Variants in ZNF346 observed in about 807,000 individuals in gnomAD.
ZNF346 encodes the protein zinc finger protein 346.
In ZNF346, 23 loss-of-function variants were observed where a neutral mutation model predicts 33.7. The observed-to-expected ratio is 0.68, with a 90% CI of 0.49 to 0.97. The LOEUF (loss-of-function observed/expected upper bound fraction) is 0.97. Ranked by LOEUF, ZNF346 falls within the 50% of genes least tolerant of loss-of-function variation. The probability of loss-of-function intolerance (pLI) is 0.00; values close to 1 mark genes in which losing one functional copy is unlikely to be tolerated. For synonymous variants in ZNF346, 134 were observed against 142.4 expected (o/e 0.94, Z 0.42); for missense variants, 340 against 371.1 (o/e 0.92, Z 0.69).
chr5:177,031,075 G>A (rs1024210044), intron 1 of ZNF346, among the ~76,000 whole-genome samples: 3 of 151,948 alleles, frequency 2.0e-5, no homozygotes, highest in South Asian at 2.1e-4. Flanking sequence ...TCGCTCTGTC[G>A]CCCAGGCTGG....
At position 177,067,332 on chromosome 5, in the gene ZNF346, T is replaced by A. The variant is rs1404624178; in HGVS notation, c.*2733T>A. On this transcript the variant is annotated 3_prime_UTR_variant, in exon 7 of 7. Transcript: ENST00000358149. ...CCATCCTTTACTGTAGACAGCCAGA[T>A]TTGAGGAAGGGGCCCAGGCAGCCTC... 6.6e-6 allele frequency among the ~76,000 whole-genome samples: 1 copy of A among 152,128 alleles called. No individual in the cohort carries two copies. Among genetic ancestry groups the A allele is most frequent in the Non-Finnish European group, 1.5e-5 (1 of 68,028 alleles).
At chr5:177,046,763 G>A (rs1010147717) in intron 4 of ZNF346, among the ~76,000 whole-genome samples, 1 of 151,736 alleles carries the variant, frequency 6.6e-6, no homozygotes, top group Admixed American at 6.6e-5. Context: ...GTGTATATTC[G>A]TTTTGTGTAT....
chr5:177,044,529 G>C lies in ZNF346; in HGVS notation c.513G>C (p.Val171=), dbSNP rs536086361. ...NLKLKQQSTK[V]EALHQNREMI... ...AGCTGAAGCAGCAGTCCACTAAGGT[G>C]GAAGGTACTGGTTTTCCTGAGTAGT... The change falls in exon 4 of 7, where the codon GTG becomes GTC. Residue 171 remains valine (V), a synonymous_variant. Coordinates refer to ENST00000358149, the MANE Select transcript of ZNF346 (RefSeq NM_012279.4). The C allele has an allele frequency of 6.2e-7, 1 of 1,613,642 alleles. No homozygotes were observed. Among genetic ancestry groups the C allele is most frequent in the Non-Finnish European group, 8.5e-7 (1 of 1,179,960 alleles).
intron 1 of ZNF346, among the ~76,000 whole-genome samples, chr5:177,024,303 C>T (rs537796634): frequency 2.8e-5 from 4 of 141,274 alleles, no homozygotes; most frequent in African/African-American, 1.1e-4. Context: ...TCAAGCAATT[C>T]TATACTGCCT....
chr5:177,049,728 C>T (rs1398846985), intron 4 of ZNF346, among the ~76,000 whole-genome samples: 1 of 152,184 alleles, frequency 6.6e-6, no homozygotes, highest in African/African-American at 2.4e-5. Context: ...GGGCAAGCCA[C>T]TTCACTCATC....
intron 8 of ZNF346, among the ~76,000 whole-genome samples, chr5:177,074,736 G>A (rs574114280): frequency 3.9e-5 from 6 of 152,306 alleles, no homozygotes; most frequent in African/African-American, 1.4e-4. Flanking sequence ...GATAGAGGCT[G>A]AGCAGCTCCA....
chr5:177,026,287 G>A (rs1004234931), intron 1 of ZNF346, among the ~76,000 whole-genome samples: 22 of 151,446 alleles, frequency 1.5e-4, no homozygotes, highest in Non-Finnish European at 4.4e-5. Flanking sequence ...TTACACGCGT[G>A]AGCTACCATG....
intron 6 of ZNF346, among the ~76,000 whole-genome samples, chr5:177,063,064 C>CT (rs1562034228): frequency 9.9e-5 from 14 of 140,962 alleles, no homozygotes; most frequent in South Asian, 4.4e-4. Flanking sequence ...CACAACATAA[C>CT]GTTTTTTTTT....
intron 4 of ZNF346, among the ~76,000 whole-genome samples, chr5:177,047,304 G>C (rs1195254450): frequency 1.3e-5 from 2 of 150,906 alleles, no homozygotes; most frequent in Non-Finnish European, 3.0e-5. Context: ...TTACCGTATG[G>C]TATGTACAAT....
intron 5 of ZNF346, among the ~76,000 whole-genome samples, chr5:177,055,953 G>A (rs1298130701): frequency 4.0e-5 from 6 of 151,490 alleles, no homozygotes; most frequent in South Asian, 2.1e-4. Flanking sequence ...GCATGCACCC[G>A]TAATCCCAGC....
At chr5:177,037,138 C>G (rs1193240609) in intron 1 of ZNF346, among the ~76,000 whole-genome samples, 2 of 152,142 alleles carry the variant, frequency 1.3e-5, no homozygotes, top group Non-Finnish European at 2.9e-5. Flanking sequence ...TTTATTGTTG[C>G]TTCTGCAGGA....
intron 1 of ZNF346, chr5:177,023,122 C>T (rs1776099795): frequency 6.7e-7 from 1 of 1,493,308 alleles, no homozygotes; most frequent in Non-Finnish European, 9.0e-7. Flanking sequence ...ACGCTCAGGC[C>T]CTGGGTTTTC....
chr5:177,024,157 T>TACACACACACACACAC (rs144403449), intron 1 of ZNF346, among the ~76,000 whole-genome samples: 2,542 of 121,310 alleles, frequency 0.021, 48 homozygotes, highest in Middle Eastern at 0.065. Flanking sequence ...ATTTTATGTA[T>TACACACACACACACAC]ACACACACAC....
At chr5:177,046,316 A>C (rs1345797911) in intron 4 of ZNF346, among the ~76,000 whole-genome samples, 4 of 152,042 alleles carry the variant, frequency 2.6e-5, no homozygotes, top group East Asian at 1.9e-4. Context: ...AAAAAAAAAA[A>C]AAACCAATTT....
chr5:177,063,558 T>C (rs974548104), intron 6 of ZNF346, among the ~76,000 whole-genome samples: 40 of 152,268 alleles, frequency 2.6e-4, no homozygotes, highest in African/African-American at 9.1e-4. Context: ...TGATGGCAGT[T>C]ACAGTAGACA....
At position 177,041,768 on chromosome 5, in the gene ZNF346, G is replaced by A. The variant is rs750707735; in HGVS notation, c.280-10G>A. 6.3e-7 allele frequency: 1 copy of A among 1,591,598 alleles called. No individual in the cohort carries two copies. The highest frequency in any genetic ancestry group is 8.6e-7 in the Non-Finnish European group (1 of 1,160,110). ...TGGCTATCTTTGATCTTTCTCCTGG[G>A]TTTTTGCAGAGCAAAAAACATGCCA... is the stretch of plus-strand genomic sequence containing the variant. On this transcript the variant is annotated splice_polypyrimidine_tract_variant and intron_variant, in intron 2 of 6. Coordinates refer to ENST00000358149, the MANE Select transcript of ZNF346 (RefSeq NM_012279.4).
At chr5:177,041,754 G>C in intron 2 of ZNF346, 24 bp from the exon 3 acceptor site, 1 of 1,509,000 alleles carries the variant, frequency 6.6e-7, no homozygotes, top group Non-Finnish European at 9.2e-7. Context: ...GGCTATCTTT[G>C]ATCTTTCTCC....
chr5:177,051,029 C>A, intron 5 of ZNF346, 93 bp downstream of exon 5: 1 of 980,008 alleles, frequency 1.0e-6, no homozygotes, highest in Non-Finnish European at 1.6e-6. Context: ...CTCCTTAGGT[C>A]TTGTAAGTAG....
intron 4 of ZNF346, 78 bp from the exon 5 acceptor site, chr5:177,050,673 A>G (rs180927369): frequency 6.4e-7 from 1 of 1,552,004 alleles, no homozygotes; most frequent in African/African-American, 1.4e-5. Context: ...GGGTTTTTTC[A>G]TTGTTTCTGT....
Sources: gnomAD v4.1 joint callset for allele counts (sites outside exome capture counted in the v4.1 genomes callset) on GRCh38, gnomAD v4.1.1 for gene constraint, MANE v1.5 for transcripts, NCBI Gene and HGNC (gene_info 2026-07-23, HGNC 2026-07-21) for gene names.